Variants in REP15 observed in about 807,000 individuals in gnomAD.
The protein encoded by REP15 is RAB15 effector protein.
A neutral mutation model predicts 1.1 loss-of-function variants in REP15; 1 was observed. That is an observed-to-expected ratio of 0.89 (90% CI 0.32 to 4.24). The LOEUF is 4.24. Ranked by LOEUF, REP15 falls within the 30% of genes most tolerant of loss-of-function variation. REP15 has a pLI of 0.17. For missense variants in REP15, 246 were observed against 271.9 expected, an observed-to-expected ratio of 0.90 and a Z score of 0.67; for synonymous variants, 100 against 99.7, an observed-to-expected ratio of 1.00 and a Z score of -0.02.
Position 27,697,107 on chromosome 12 carries a change from G to A in REP15, c.545G>A (p.Ser182Asn). ...GACATCAGGGGAGTTGTCCTGGACA[G>A]TGTCAAAAGTCAGATGGTGAGGAGC... is the stretch of plus-strand genomic sequence containing the variant. ...PKDIRGVVLD[S>N]VKSQMVRSHL... Residue 182 changes from serine to asparagine, a missense_variant, in exon 1 of 1, where the codon AGT (serine) becomes AAT (asparagine). Coordinates refer to ENST00000310791, the MANE Select transcript of REP15 (RefSeq NM_001029874.3). 1 of 1,614,166 alleles carries A rather than the reference G, an allele frequency of 6.2e-7. No individual in the cohort carries two copies. Among genetic ancestry groups the A allele is most frequent in the Non-Finnish European group, 8.5e-7 (1 of 1,180,030 alleles).
rs574041237 is a variant in REP15, at chr12:27,697,151, G to T, written c.589G>T (p.Ala197Ser). The change falls in exon 1 of 1, where the codon GCT becomes TCT. Residue 197 changes from alanine (A) to serine (S), a missense_variant. Transcript: ENST00000310791. ...GAGGAGCCATCTGCCAGGAGGGAAG[G>T]CTGTGGCTCAGTTTGTCCTGGAAAC... ...MVRSHLPGGK[A>S]VAQFVLETED... 1.2e-5 allele frequency: 19 copies of T among 1,613,836 alleles called. No individual in the cohort carries two copies. Among genetic ancestry groups the T allele is most frequent in the Non-Finnish European group, 2.5e-6 (3 of 1,179,868 alleles).
rs1593452905 is a variant in REP15 at position 27,697,399 on chromosome 12, A to G, written c.*126A>G. ...TCATTTGTTTTCCCATTGATTGAAA[A>G]TGATTACTGGGATCAAAGTACATTC... On this transcript the variant is annotated 3_prime_UTR_variant, in exon 1 of 1. Transcript: ENST00000310791. The G allele has an allele frequency of 3.3e-6, 2 of 615,050 alleles. No individual in the cohort carries two copies. Among genetic ancestry groups the G allele is most frequent in the East Asian group, 2.7e-5 (1 of 36,522 alleles). The allele number at this position is 615,050 out of a possible 1,614,324, so 38.1% of individuals were successfully genotyped here. A position where few individuals can be genotyped will look rare whatever the true frequency, so the allele number is the denominator to read the frequency against.
Position 27,697,017 on chromosome 12 carries a change from G to A in REP15, c.455G>A (p.Cys152Tyr), listed in dbSNP as rs1358459020. 1.2e-6 allele frequency: 2 copies of A among 1,613,876 alleles called. No homozygotes were observed. Among genetic ancestry groups the A allele is most frequent in the African/African-American group, 2.7e-5 (2 of 74,924 alleles). Residue 152 changes from cysteine (C) to tyrosine (Y), a missense_variant, in exon 1 of 1, where the codon TGT (cysteine) becomes TAT (tyrosine). Physicochemically the swap from Cys to Tyr is radical, Grantham distance 194. Transcript: ENST00000310791. ...KSRFDKLEEF[C>Y]NLIGEDCLGL... ...AGATTTGATAAGCTGGAAGAATTCT[G>A]TAACTTAATAGGAGAGGATTGCCTG...
In REP15 at chr12:27,697,042, G is replaced by T; in HGVS notation, c.480G>T (p.Leu160=). 1 of 1,613,932 alleles carries T rather than the reference G, an allele frequency of 6.2e-7. No individual in the cohort carries two copies. Among genetic ancestry groups the T allele is most frequent in the East Asian group, 2.2e-5 (1 of 44,880 alleles). The change falls in exon 1 of 1, where the codon CTG becomes CTT. Residue 160 remains leucine, a synonymous_variant. Transcript: ENST00000310791. ...EFCNLIGEDC[L]GLFIIFGMPG... is the part of the protein sequence containing the mutation. ...GTAACTTAATAGGAGAGGATTGCCT[G>T]GGTCTGTTTATCATCTTTGGTATGC...
In REP15 at chr12:27,696,467, A is replaced by G. The variant is rs2061728447; in HGVS notation, c.-96A>G. The G allele has an allele frequency of 1.1e-6, 1 of 871,558 alleles. No homozygotes were observed. Among genetic ancestry groups the G allele is most frequent in the Non-Finnish European group, 1.7e-6 (1 of 574,392 alleles). The allele number at this position is 871,558 out of a possible 1,614,324, so 54.0% of individuals were successfully genotyped here. Reference sequence around the variant, plus strand: ...AAGCTGTAGAGTTAGAAAAACATGAACCATTAACAGATGTGGCCTCCCTGC... The same window carrying G: ...AAGCTGTAGAGTTAGAAAAACATGAGCCATTAACAGATGTGGCCTCCCTGC... On this transcript the variant is annotated 5_prime_UTR_variant, in exon 1 of 1. Coordinates refer to ENST00000310791, the MANE Select transcript of REP15 (RefSeq NM_001029874.3).
Position 27,696,619 on chromosome 12 carries a change from C to T in REP15, c.57C>T (p.Val19=), listed in dbSNP as rs200938773. The T allele has an allele frequency of 1.3e-5, 21 of 1,612,880 alleles. No individual in the cohort carries two copies. The highest frequency in any genetic ancestry group is 3.3e-5 in the Admixed American group (2 of 59,982). ...LALKDSKEVP[V]VCEVVSEAIV... is the part of the protein sequence containing the mutation. ...TGAAGGACAGCAAAGAGGTGCCCGT[C>T]GTCTGTGAGGTGGTCAGTGAAGCTA... is the stretch of plus-strand genomic sequence containing the variant. The change falls in exon 1 of 1, where the codon GTC becomes GTT. Residue 19 remains valine, a synonymous_variant. Coordinates refer to ENST00000310791, the MANE Select transcript of REP15 (RefSeq NM_001029874.3).
Position 27,696,507 on chromosome 12 carries a change from G to A in REP15, c.-56G>A. ...GGCCTCCCTGCAGAACTTTTACTTT[G>A]AAAAAGAAGTACGTCTGAACCAGAT... On this transcript the variant is annotated 5_prime_UTR_variant, in exon 1 of 1. Coordinates refer to ENST00000310791, the MANE Select transcript of REP15 (RefSeq NM_001029874.3). The A allele has an allele frequency of 1.4e-6, 2 of 1,406,478 alleles. No homozygotes were observed. The highest frequency in any genetic ancestry group is 9.6e-7 in the Non-Finnish European group (1 of 1,037,020). The allele number at this position is 1,406,478 out of a possible 1,614,324, so 87.1% of individuals were successfully genotyped here.
Position 27,697,187 on chromosome 12 carries a change from G to A in REP15, c.625G>A (p.Val209Met), listed in dbSNP as rs2061738337. Residue 209 changes from valine to methionine, a missense_variant, in exon 1 of 1, where the codon GTG becomes ATG. Transcript: ENST00000310791. ...GTTTGTCCTGGAAACTGAAGATTGT[G>A]TGTTCATCAAAGAGCTGCTCAGAAA... ...AQFVLETEDC[V>M]FIKELLRNCL... 12 of 1,614,022 alleles carry A rather than the reference G, an allele frequency of 7.4e-6. No individual in the cohort carries two copies. Among genetic ancestry groups the A allele is most frequent in the Non-Finnish European group, 1.0e-5 (12 of 1,180,002 alleles).
Position 27,696,467 on chromosome 12 carries a change from A to C in REP15, c.-96A>C. On this transcript the variant is annotated 5_prime_UTR_variant, in exon 1 of 1. Transcript: ENST00000310791. The stretch of plus-strand genomic sequence containing the variant: ...AAGCTGTAGAGTTAGAAAAACATGA[A>C]CCATTAACAGATGTGGCCTCCCTGC... 1 of 871,558 alleles carries C rather than the reference A, an allele frequency of 1.1e-6. No homozygotes were observed. Among genetic ancestry groups the C allele is most frequent in the South Asian group, 1.8e-5 (1 of 55,766 alleles). The allele number at this position is 871,558 out of a possible 1,614,324, so 54.0% of individuals were successfully genotyped here.
In REP15 at chr12:27,696,646, A is replaced by T; in HGVS notation, c.84A>T (p.Ile28=). The change falls in exon 1 of 1, where the codon ATA becomes ATT. Residue 28 remains isoleucine, a synonymous_variant. Transcript: ENST00000310791. ...PVVCEVVSEA[I]VHAAQKLKEY... is the part of the protein sequence containing the mutation. ...TCTGTGAGGTGGTCAGTGAAGCTATAGTCCATGCAGCTCAGAAACTGAAGG... is the reference window on the plus strand; with the variant it reads ...TCTGTGAGGTGGTCAGTGAAGCTATTGTCCATGCAGCTCAGAAACTGAAGG... 1 of 1,614,192 alleles carries T rather than the reference A, an allele frequency of 6.2e-7. No individual in the cohort carries two copies. The highest frequency in any genetic ancestry group is 8.5e-7 in the Non-Finnish European group (1 of 1,180,018).
At position 27,696,583 on chromosome 12, in the gene REP15, A is replaced by G; in HGVS notation, c.21A>G (p.Gln7=). 6 of 1,601,954 alleles carry G rather than the reference A, an allele frequency of 3.7e-6. No individual in the cohort carries two copies. Among genetic ancestry groups the G allele is most frequent in the Non-Finnish European group, 5.1e-6 (6 of 1,169,884 alleles). MGQKAS[Q]QLALKDSKEV... ...AGAAAATGGGGCAGAAAGCATCGCAACAGTTGGCTCTGAAGGACAGCAAAG... is the reference window on the plus strand; with the variant it reads ...AGAAAATGGGGCAGAAAGCATCGCAGCAGTTGGCTCTGAAGGACAGCAAAG... The change falls in exon 1 of 1, where the codon CAA becomes CAG. Residue 7 remains glutamine (Q), a synonymous_variant. Transcript: ENST00000310791.
Position 27,697,249 on chromosome 12 carries a change from C to A in REP15, c.687C>A (p.Gly229=), listed in dbSNP as rs753180832. 3 of 1,612,092 alleles carry A rather than the reference C, an allele frequency of 1.9e-6. No homozygotes were observed. Among genetic ancestry groups the A allele is most frequent in the East Asian group, 2.2e-5 (1 of 44,864 alleles). The change falls in exon 1 of 1, where the codon GGC becomes GGA. Residue 229 remains glycine, a synonymous_variant. Coordinates refer to ENST00000310791, the MANE Select transcript of REP15 (RefSeq NM_001029874.3). ...LSKKDGLREV[G]KVYISIL ...AGAAAGACGGGCTGAGAGAGGTGGG[C>A]AAGGTTTATATCAGCATTCTCTGAC...
Position 27,696,673 on chromosome 12 carries a change from G to A in REP15, c.111G>A (p.Glu37=). The A allele has an allele frequency of 3.1e-6, 5 of 1,614,116 alleles. No homozygotes were observed. Among genetic ancestry groups the A allele is most frequent in the Non-Finnish European group, 4.2e-6 (5 of 1,179,960 alleles). Residue 37 remains glutamate, a synonymous_variant, in exon 1 of 1, where the codon GAG becomes GAA. Coordinates refer to ENST00000310791, the MANE Select transcript of REP15 (RefSeq NM_001029874.3). ...AIVHAAQKLK[E]YLGFEYPPSK... ...TCCATGCAGCTCAGAAACTGAAGGAGTACCTTGGATTTGAATATCCTCCAA... is the reference window on the plus strand; with the variant it reads ...TCCATGCAGCTCAGAAACTGAAGGAATACCTTGGATTTGAATATCCTCCAA...
chr12:27,697,006 G>A lies in REP15; in HGVS notation c.444G>A (p.Leu148=), dbSNP rs1401620047. 1 of 1,614,072 alleles carries A rather than the reference G, an allele frequency of 6.2e-7. No homozygotes were observed. Among genetic ancestry groups the A allele is most frequent in the Non-Finnish European group, 8.5e-7 (1 of 1,179,916 alleles). ...SSWKKSRFDK[L]EEFCNLIGED... is the part of the protein sequence containing the mutation. The stretch of plus-strand genomic sequence containing the variant: ...GGAAGAAAAGTAGATTTGATAAGCT[G>A]GAAGAATTCTGTAACTTAATAGGAG... Residue 148 remains leucine (L), a synonymous_variant, in exon 1 of 1, where the codon CTG becomes CTA. Coordinates refer to ENST00000310791, the MANE Select transcript of REP15 (RefSeq NM_001029874.3).
Position 27,696,831 on chromosome 12 carries a change from G to A in REP15, c.269G>A (p.Gly90Asp), listed in dbSNP as rs756585296. Reference sequence around the variant, plus strand: ...ACCAAGCACCAAGCCTTCCTGTTTGGTGCAGACTGGATTTGGACCTTTTGG... The same window carrying A: ...ACCAAGCACCAAGCCTTCCTGTTTGATGCAGACTGGATTTGGACCTTTTGG... ...KMTKHQAFLFGADWIWTFWGS... is the reference protein window; with the variant it reads ...KMTKHQAFLFDADWIWTFWGS... The change falls in exon 1 of 1, where the codon GGT becomes GAT. Residue 90 changes from glycine to aspartate, a missense_variant. Gly to Asp is a moderately conservative substitution (Grantham distance 94). Coordinates refer to ENST00000310791, the MANE Select transcript of REP15 (RefSeq NM_001029874.3). The A allele has an allele frequency of 4.3e-6, 7 of 1,613,990 alleles. No homozygotes were observed. The South Asian group carries it at 4.4e-5, about 10-fold the overall frequency.
rs533292646 is a variant in REP15 at position 27,696,687 on chromosome 12, A to C, written c.125A>C (p.Glu42Ala). 1 of 1,614,186 alleles carries C rather than the reference A, an allele frequency of 6.2e-7. No homozygotes were observed. Among genetic ancestry groups the C allele is most frequent in the African/African-American group, 1.3e-5 (1 of 75,042 alleles). ...AQKLKEYLGF[E>A]YPPSKLCPAA... is the part of the protein sequence containing the mutation. ...AAACTGAAGGAGTACCTTGGATTTG[A>C]ATATCCTCCAAGTAAACTCTGCCCA... is the stretch of plus-strand genomic sequence containing the variant. The change falls in exon 1 of 1, where the codon GAA becomes GCA. Residue 42 changes from glutamate (E) to alanine (A), a missense_variant. Transcript: ENST00000310791.
rs2061737019 is a variant in REP15, at chr12:27,697,074, A to G, written c.512A>G (p.Lys171Arg). Reference sequence around the variant, plus strand: ...TTTATCATCTTTGGTATGCCAGGAAAGCCTAAAGACATCAGGGGAGTTGTC... The same window carrying G: ...TTTATCATCTTTGGTATGCCAGGAAGGCCTAAAGACATCAGGGGAGTTGTC... ...GLFIIFGMPG[K>R]PKDIRGVVLD... is the part of the protein sequence containing the mutation. The change falls in exon 1 of 1, where the codon AAG becomes AGG. Residue 171 changes from lysine to arginine, a missense_variant. Coordinates refer to ENST00000310791, the MANE Select transcript of REP15 (RefSeq NM_001029874.3). 2 of 1,614,170 alleles carry G rather than the reference A, an allele frequency of 1.2e-6. No homozygotes were observed. The highest frequency in any genetic ancestry group is 1.7e-6 in the Non-Finnish European group (2 of 1,180,026).
At position 27,697,463 on chromosome 12, in the gene REP15, C is replaced by T. The variant is rs550870153; in HGVS notation, c.*190C>T. On this transcript the variant is annotated 3_prime_UTR_variant, in exon 1 of 1. Coordinates refer to ENST00000310791, the MANE Select transcript of REP15 (RefSeq NM_001029874.3). ...AGAGAGAGAGAGAAAAAAAGAAAAC[C>T]CTGGCTCTGCCTATGATTTAAAAAC... 3.3e-5 allele frequency: 15 copies of T among 449,270 alleles called. No homozygotes were observed. The highest frequency in any genetic ancestry group is 1.6e-5 in the Non-Finnish European group (4 of 246,684). 27.8% of individuals were successfully genotyped at this position (449,270 alleles called of 1,614,324 possible). A position where few individuals can be genotyped will look rare whatever the true frequency, so the allele number is the denominator to read the frequency against.
Position 27,696,944 on chromosome 12 carries a change from C to T in REP15, c.382C>T (p.Leu128Phe). 1.2e-6 allele frequency: 2 copies of T among 1,614,160 alleles called. No individual in the cohort carries two copies. The highest frequency in any genetic ancestry group is 1.7e-6 in the Non-Finnish European group (2 of 1,180,012). ...PPPVESKPCD[L>F]SNPESRVEES... ...TCCTGTGGAATCTAAGCCTTGTGAC[C>T]TTTCCAATCCAGAATCAAGGGTAGA... The change falls in exon 1 of 1, where the codon CTT (leucine) becomes TTT (phenylalanine). Residue 128 changes from leucine (L) to phenylalanine (F), a missense_variant. Coordinates refer to ENST00000310791, the MANE Select transcript of REP15 (RefSeq NM_001029874.3).
Sources: gnomAD v4.1 joint callset for allele counts on GRCh38, gnomAD v4.1.1 for gene constraint, MANE v1.5 for transcripts, NCBI Gene and HGNC (gene_info 2026-07-23, HGNC 2026-07-21) for gene names.